Variants in NRG3 observed in about 807,000 individuals in gnomAD.
NRG3 encodes neuregulin 3, also known as pro-neuregulin-3, membrane-bound isoform.
In NRG3, 31 loss-of-function variants were observed where a neutral mutation model predicts 66.9. The ratio of observed to expected loss-of-function variants is 0.46; its 90% CI spans 0.35 to 0.63. NRG3 has a LOEUF of 0.63. Among genes scored for constraint, NRG3 ranks in the 20% least tolerant of loss-of-function variants. NRG3 has a pLI of 0.00. For missense variants in NRG3, 910 were observed against 878.9 expected (o/e 1.04, Z -0.45); for synonymous variants, 393 against 359.4 (o/e 1.09, Z -1.06).
chr10:82,427,468 G>T (rs2136290990), intron 2 of NRG3, among the ~76,000 whole-genome samples: 1 of 152,110 alleles, frequency 6.6e-6, no homozygotes, highest in Middle Eastern at 3.4e-3. Flanking sequence ...TTAGTCTATT[G>T]ATATGATGTA....
At chr10:82,568,177 C>T (rs1290045734) in intron 2 of NRG3, among the ~76,000 whole-genome samples, 6 of 151,808 alleles carry the variant, frequency 4.0e-5, no homozygotes, top group Admixed American at 4.0e-4. Flanking sequence ...ATCATGGAAG[C>T]TTCTAGGAGT....
chr10:82,713,542 G>T (rs58830985), intron 2 of NRG3, among the ~76,000 whole-genome samples: 4 of 152,154 alleles, frequency 2.6e-5, no homozygotes, highest in Admixed American at 2.0e-4. Flanking sequence ...GAAACTGAGG[G>T]TTTCCCTTAA....
intron 4 of NRG3, among the ~76,000 whole-genome samples, chr10:82,894,969 C>T (rs1843509813): frequency 6.6e-6 from 1 of 152,192 alleles, no homozygotes; most frequent in African/African-American, 2.4e-5. Context: ...GTTCAACTCC[C>T]ACTTATGAGT....
chr10:81,959,186 G>A (rs2133258648), intron 1 of NRG3, among the ~76,000 whole-genome samples: 1 of 152,292 alleles, frequency 6.6e-6, no homozygotes, highest in South Asian at 2.1e-4. Flanking sequence ...CTGATGACAG[G>A]AAGGGGACCC....
chr10:82,793,106 C>G (rs533997340), intron 3 of NRG3, among the ~76,000 whole-genome samples: 174 of 152,060 alleles, frequency 1.1e-3, no homozygotes, highest in Admixed American at 2.6e-3. Flanking sequence ...AAAAAAATTT[C>G]TCTCCTGAAA....
At chr10:82,110,259 A>G (rs2132231760) in intron 1 of NRG3, among the ~76,000 whole-genome samples, 1 of 152,258 alleles carries the variant, frequency 6.6e-6, no homozygotes, top group South Asian at 2.1e-4. Context: ...AATCCTTTGG[A>G]TGAGACTGGG....
At chr10:82,982,226 T>G (rs1366137283) in intron 8 of NRG3, among the ~76,000 whole-genome samples, 1 of 152,182 alleles carries the variant, frequency 6.6e-6, no homozygotes, top group Non-Finnish European at 1.5e-5. Context: ...ACTGAGATGG[T>G]TTGGAGTCGC....
chr10:82,251,470 TC>T (rs1431284051), intron 1 of NRG3, among the ~76,000 whole-genome samples: 1 of 152,070 alleles, frequency 6.6e-6, no homozygotes, highest in Non-Finnish European at 1.5e-5. Context: ...GTGATCACAA[TC>T]AGGATTCCCT....
intron 1 of NRG3, among the ~76,000 whole-genome samples, chr10:82,156,666 G>T (rs1590339098): frequency 6.6e-6 from 1 of 151,738 alleles, no homozygotes; most frequent in East Asian, 1.9e-4. Context: ...TCCTTCATCA[G>T]ATTTTAGCTC....
intron 1 of NRG3, among the ~76,000 whole-genome samples, chr10:82,075,586 T>C (rs1159319921): frequency 6.6e-6 from 1 of 152,186 alleles, no homozygotes; most frequent in East Asian, 1.9e-4. Flanking sequence ...CTGGGGAGAA[T>C]GGAAGGATAG....
At chr10:82,342,097 TG>T (rs2082715723) in intron 1 of NRG3, among the ~76,000 whole-genome samples, 1 of 148,866 alleles carries the variant, frequency 6.7e-6, no homozygotes, top group Admixed American at 6.7e-5. Context: ...TCATACTATA[TG>T]ATATATATAT....
Position 81,888,017 on chromosome 10 carries a change from A to G in NRG3, c.823+11854A>G, listed in dbSNP as rs374307140. ...TGAAAAAATAAGAGAAAACTTCAGG[A>G]ACATTCCTTTGGCCTTTACCACTTC... is the stretch of plus-strand genomic sequence containing the variant. On this transcript the variant is annotated intron_variant, in intron 1 of 8. Transcript: ENST00000372141. 2.0e-4 allele frequency among the ~76,000 whole-genome samples: 31 copies of G among 152,260 alleles called. No individual in the cohort carries two copies. The East Asian group carries it at 6.0e-3, about 29-fold the overall frequency.
intron 2 of NRG3, among the ~76,000 whole-genome samples, chr10:82,455,878 A>G (rs2091245060): frequency 6.6e-6 from 1 of 152,108 alleles, no homozygotes; most frequent in Admixed American, 6.6e-5. Flanking sequence ...TCTGCCTCCC[A>G]AAGTGCTGGG....
chr10:82,407,426 G>A (rs1318820692), intron 2 of NRG3, among the ~76,000 whole-genome samples: 1 of 152,080 alleles, frequency 6.6e-6, no homozygotes. Flanking sequence ...ATAATCTTGA[G>A]TTCAAACCTC....
chr10:82,362,242 A>G, intron 2 of NRG3, among the ~76,000 whole-genome samples: 1 of 132,498 alleles, frequency 7.5e-6, no homozygotes, highest in Middle Eastern at 3.7e-3. Flanking sequence ...CAATTTAATT[A>G]AAAAAAAAAA....
chr10:82,436,794 A>G (rs1333789736), intron 2 of NRG3, among the ~76,000 whole-genome samples: 1 of 152,118 alleles, frequency 6.6e-6, no homozygotes, highest in Non-Finnish European at 1.5e-5. Flanking sequence ...TTCGCTTATG[A>G]AGCTTAGTTT....
At chr10:82,202,218 A>C (rs376613174) in intron 1 of NRG3, among the ~76,000 whole-genome samples, 1 of 152,186 alleles carries the variant, frequency 6.6e-6, no homozygotes, top group African/African-American at 2.4e-5. Flanking sequence ...ACTCACACAC[A>C]TGACACAGGG....
intron 2 of NRG3, among the ~76,000 whole-genome samples, chr10:82,732,852 C>A (rs1442146674): frequency 1.3e-5 from 2 of 152,136 alleles, no homozygotes; most frequent in African/African-American, 2.4e-5. Flanking sequence ...TTTCCCCAAC[C>A]AAGGACTGAC....
intron 1 of NRG3, among the ~76,000 whole-genome samples, chr10:82,274,932 G>A (rs535226605): frequency 6.6e-6 from 1 of 152,028 alleles, no homozygotes; most frequent in African/African-American, 2.4e-5. Context: ...CAAACTTCAT[G>A]CCTTCCACTT....
Sources: gnomAD v4.1 joint callset for allele counts (sites outside exome capture counted in the v4.1 genomes callset) on GRCh38, gnomAD v4.1.1 for gene constraint, MANE v1.5 for transcripts, NCBI Gene and HGNC (gene_info 2026-07-23, HGNC 2026-07-21) for gene names.